The following RNLS variants were observed in gnomAD, a reference collection of about 807,000 sequenced individuals.
RNLS encodes renalase, FAD dependent amine oxidase, also known as renalase.
RNLS carries 39 observed loss-of-function variants against 39.8 expected under a neutral mutation model. That is an observed-to-expected ratio of 0.98 (90% CI 0.76 to 1.28). The LOEUF is 1.28. RNLS is among the 50% of genes most tolerant of loss of function. The probability of loss-of-function intolerance (pLI) is 0.00; values close to 1 mark genes in which losing one functional copy is unlikely to be tolerated. For synonymous variants in RNLS, 147 were observed against 150.7 expected (o/e 0.98, Z 0.18); for missense variants, 410 against 413.3 (o/e 0.99, Z 0.07).
At chr10:88,506,568 AAAAT>A (rs1209535444) in intron 4 of RNLS, among the ~76,000 whole-genome samples, 1 of 151,536 alleles carries the variant, frequency 6.6e-6, no homozygotes, top group Non-Finnish European at 1.5e-5. Context: ...TAAGAATTTA[AAAAT>A]AAATAAAATT....
chr10:88,377,204 T>C (rs1851071968), intron 4 of RNLS, among the ~76,000 whole-genome samples: 2 of 149,366 alleles, frequency 1.3e-5, no homozygotes. Context: ...GTGTGTCGCA[T>C]GCATGCACAC....
chr10:88,453,529 A>G (rs1052403189), intron 4 of RNLS, among the ~76,000 whole-genome samples: 2 of 152,204 alleles, frequency 1.3e-5, no homozygotes, highest in African/African-American at 2.4e-5. Flanking sequence ...TCATTCTCCC[A>G]TAGGTATCCA....
chr10:88,255,485 G>A, the RNLS span, among the ~76,000 whole-genome samples: 2 of 152,178 alleles, frequency 1.3e-5, no homozygotes, highest in African/African-American at 2.4e-5. Context: ...GAGCAAGGGA[G>A]GAGGAGTAGG....
At chr10:88,347,827 T>G (rs1012643974) in intron 5 of RNLS, among the ~76,000 whole-genome samples, 1 of 152,116 alleles carries the variant, frequency 6.6e-6, no homozygotes. Context: ...TCAGGATATC[T>G]GAAATTTTCT....
intron 4 of RNLS, among the ~76,000 whole-genome samples, chr10:88,409,491 G>A (rs1227184221): frequency 1.3e-5 from 2 of 152,102 alleles, no homozygotes; most frequent in East Asian, 3.9e-4. Context: ...AGTCATGAGA[G>A]TCTCTAACTT....
downstream of RNLS, among the ~76,000 whole-genome samples, chr10:88,279,213 AGT>A (rs1842922302): frequency 6.6e-6 from 1 of 152,202 alleles, no homozygotes. Context: ...TACAGTCACC[AGT>A]GAGTTCTACA....
rs368570443 is a variant in RNLS at position 88,294,342 on chromosome 10, G to C, written c.877-8836C>G. Among the ~76,000 whole-genome samples the C allele has an allele frequency of 1.9e-4, 29 of 152,198 alleles. No homozygotes were observed. The East Asian group carries it at 2.1e-3, about 11-fold the overall frequency. On this transcript the variant is annotated intron_variant, in intron 6 of 6. Coordinates refer to ENST00000331772, the MANE Select transcript of RNLS (RefSeq NM_001031709.3). ...AAACTAGTCCAGGCACTCTGAAAAA[G>C]ATATAACTTCAGTGTTGTGGCTACA...
intron 4 of RNLS, among the ~76,000 whole-genome samples, chr10:88,451,216 A>G (rs546110331): frequency 1.3e-5 from 2 of 152,156 alleles, no homozygotes; most frequent in South Asian, 2.1e-4. Context: ...AAGATAATCT[A>G]CCTCCCAAAT....
chr10:88,445,582 C>A (rs4619060), intron 4 of RNLS, among the ~76,000 whole-genome samples: 107,650 of 152,072 alleles, frequency 0.71, 39,265 homozygotes, highest in African/African-American at 0.89. Flanking sequence ...TCACATGTAG[C>A]GACACACATA....
At chr10:88,582,388 A>AAAAT (rs1850643029) in intron 1 of RNLS, 81 bp from the exon 2 acceptor site, 7 of 1,055,918 alleles carry the variant, frequency 6.6e-6, no homozygotes, top group Non-Finnish European at 8.2e-6. Flanking sequence ...AGGTTACCCC[A>AAAAT]AACAGATTAC....
At chr10:88,454,958 G>C (rs1338677976) in intron 4 of RNLS, among the ~76,000 whole-genome samples, 1 of 152,102 alleles carries the variant, frequency 6.6e-6, no homozygotes, top group African/African-American at 2.4e-5. Flanking sequence ...ATTGAATACT[G>C]TTATCTGTCA....
At chr10:88,464,843 T>C (rs1053263242) in intron 4 of RNLS, among the ~76,000 whole-genome samples, 2 of 152,094 alleles carry the variant, frequency 1.3e-5, no homozygotes, top group African/African-American at 4.8e-5. Flanking sequence ...AACTAAATGC[T>C]GAAGACTGGC....
chr10:88,384,062 AG>A (rs918320638), intron 4 of RNLS, among the ~76,000 whole-genome samples: 11 of 152,186 alleles, frequency 7.2e-5, no homozygotes, highest in Admixed American at 1.3e-4. Context: ...AAAGATTTAT[AG>A]AAATTTGTTT....
intron 4 of RNLS, among the ~76,000 whole-genome samples, chr10:88,499,765 C>T (rs572772735): frequency 2.6e-5 from 4 of 152,270 alleles, no homozygotes; most frequent in South Asian, 2.1e-4. Flanking sequence ...TTCTGCCAGC[C>T]CTGACCCAGC....
chr10:88,490,048 T>C (rs561079806), intron 4 of RNLS, among the ~76,000 whole-genome samples: 41 of 152,268 alleles, frequency 2.7e-4, no homozygotes, highest in Admixed American at 2.3e-3. Flanking sequence ...TAAAAATAAA[T>C]GTTTTATATG....
intron 4 of RNLS, among the ~76,000 whole-genome samples, chr10:88,445,376 A>T (rs999820375): frequency 6.6e-6 from 1 of 152,252 alleles, no homozygotes; most frequent in Non-Finnish European, 1.5e-5. Context: ...GCCAAATTGT[A>T]AAGACCATCA....
chr10:88,414,943 G>A (rs1458490228), intron 4 of RNLS, among the ~76,000 whole-genome samples: 2 of 152,156 alleles, frequency 1.3e-5, no homozygotes, highest in African/African-American at 4.8e-5. Flanking sequence ...TGAGAAAGAT[G>A]GGTAGAGAGA....
chr10:88,421,016 C>T (rs1854372018), intron 4 of RNLS, among the ~76,000 whole-genome samples: 1 of 152,222 alleles, frequency 6.6e-6, no homozygotes, highest in East Asian at 1.9e-4. Flanking sequence ...GAGGCATATG[C>T]TGAGACCACT....
chr10:88,333,146 T>C (rs894683020), intron 5 of RNLS, among the ~76,000 whole-genome samples: 4 of 152,166 alleles, frequency 2.6e-5, no homozygotes, highest in Non-Finnish European at 4.4e-5. Context: ...ACAAAATTCT[T>C]TGGACGAATA....
Sources: gnomAD v4.1 joint callset for allele counts (sites outside exome capture counted in the v4.1 genomes callset) on GRCh38, gnomAD v4.1.1 for gene constraint, MANE v1.5 for transcripts, NCBI Gene and HGNC (gene_info 2026-07-23, HGNC 2026-07-21) for gene names.